Variants in GRIK3 observed in about 807,000 individuals in gnomAD.
The protein encoded by GRIK3 is glutamate ionotropic receptor kainate type subunit 3, also known as glutamate receptor ionotropic, kainate 3.
A neutral mutation model predicts 102.5 loss-of-function variants in GRIK3; 29 were observed. The observed-to-expected ratio is 0.28, with a 90% CI of 0.21 to 0.39. The LOEUF (loss-of-function observed/expected upper bound fraction) is 0.39, where lower values mean the gene tolerates loss of function less well. GRIK3 is among the 10% of genes least tolerant of loss of function. The probability of loss-of-function intolerance (pLI) is 1.00; values close to 1 mark genes in which losing one functional copy is unlikely to be tolerated. For synonymous variants in GRIK3, 511 were observed against 504.9 expected, an observed-to-expected ratio of 1.01 and a Z score of -0.16; for missense variants, 908 against 1,252.4, an observed-to-expected ratio of 0.73 and a Z score of 4.15.
intron 1 of GRIK3, among the ~76,000 whole-genome samples, chr1:37,030,157 A>T (rs927627346): frequency 7.2e-5 from 11 of 152,152 alleles, no homozygotes; most frequent in African/African-American, 2.7e-4. Flanking sequence ...CCCGCGGGCC[A>T]CTCCCAGGTC....
At chr1:36,885,688 A>G (rs932632972) in intron 2 of GRIK3, among the ~76,000 whole-genome samples, 14 of 152,286 alleles carry the variant, frequency 9.2e-5, no homozygotes, top group South Asian at 6.2e-4. Flanking sequence ...AGCTGGGAAG[A>G]ACACTGCTGC....
At chr1:36,950,176 G>A (rs1177319393) in intron 1 of GRIK3, among the ~76,000 whole-genome samples, 1 of 152,194 alleles carries the variant, frequency 6.6e-6, no homozygotes, top group Non-Finnish European at 1.5e-5. Context: ...CCCAGTCCTA[G>A]AAGTGTAGAA....
chr1:37,009,517 T>G (rs1642566837), intron 1 of GRIK3, among the ~76,000 whole-genome samples: 1 of 152,192 alleles, frequency 6.6e-6, no homozygotes, highest in African/African-American at 2.4e-5. Flanking sequence ...GGAAAAATAC[T>G]TCTTCATTTT....
chr1:36,835,608 C>G (rs898384150), intron 10 of GRIK3, among the ~76,000 whole-genome samples: 2 of 152,202 alleles, frequency 1.3e-5, no homozygotes. Context: ...TAATCCCCTG[C>G]CTCAGGTTCT....
intron 1 of GRIK3, among the ~76,000 whole-genome samples, chr1:36,956,436 A>G (rs1454494521): frequency 6.6e-6 from 1 of 152,218 alleles, no homozygotes; most frequent in Non-Finnish European, 1.5e-5. Flanking sequence ...CCCAGACGGC[A>G]GCATTCCGCA....
intron 10 of GRIK3, among the ~76,000 whole-genome samples, chr1:36,832,889 C>A (rs1168319949): frequency 6.6e-6 from 1 of 152,204 alleles, no homozygotes; most frequent in Non-Finnish European, 1.5e-5. Flanking sequence ...CCCAACGGAG[C>A]GGAAGGCAGT....
intron 11 of GRIK3, among the ~76,000 whole-genome samples, chr1:36,821,961 C>T (rs935269292): frequency 2.0e-5 from 3 of 152,228 alleles, no homozygotes; most frequent in Non-Finnish European, 4.4e-5. Flanking sequence ...TACCACTATA[C>T]TGTCCGAAAA....
intron 11 of GRIK3, among the ~76,000 whole-genome samples, chr1:36,825,298 T>C (rs981737594): frequency 6.6e-6 from 1 of 152,154 alleles, no homozygotes; most frequent in African/African-American, 2.4e-5. Flanking sequence ...GGTGCCACTT[T>C]GGGCAACCAC....
At chr1:36,913,579 C>T (rs892350514) in intron 1 of GRIK3, among the ~76,000 whole-genome samples, 18 of 152,258 alleles carry the variant, frequency 1.2e-4, no homozygotes, top group African/African-American at 4.1e-4. Context: ...CTTCCACTCT[C>T]AATTTTGTTT....
chr1:36,994,144 G>A (rs1158871535), intron 1 of GRIK3, among the ~76,000 whole-genome samples: 1 of 150,794 alleles, frequency 6.6e-6, no homozygotes, highest in Non-Finnish European at 1.5e-5. Context: ...GTCCAGCTGT[G>A]GGGTCAACAT....
intron 1 of GRIK3, among the ~76,000 whole-genome samples, chr1:36,942,925 T>A (rs1641743526): frequency 6.6e-6 from 1 of 152,102 alleles, no homozygotes; most frequent in South Asian, 2.1e-4. Context: ...TTGGGGCTCA[T>A]TGCAGACTCC....
chr1:36,991,219 A>T (rs1417583413), intron 1 of GRIK3, among the ~76,000 whole-genome samples: 1 of 152,216 alleles, frequency 6.6e-6, no homozygotes, highest in Non-Finnish European at 1.5e-5. Flanking sequence ...TGCATGAGGC[A>T]TCTAGAACGG....
chr1:36,997,841 G>A (rs1353905073), intron 1 of GRIK3, among the ~76,000 whole-genome samples: 2 of 152,160 alleles, frequency 1.3e-5, no homozygotes, highest in African/African-American at 4.8e-5. Flanking sequence ...GGAGGGTTTG[G>A]AGCTGACCAA....
intron 10 of GRIK3, among the ~76,000 whole-genome samples, chr1:36,840,819 A>C (rs1229391359): frequency 6.6e-6 from 1 of 152,240 alleles, no homozygotes; most frequent in Non-Finnish European, 1.5e-5. Flanking sequence ...GCTTGAACCC[A>C]GACCTGCTGG....
intron 1 of GRIK3, among the ~76,000 whole-genome samples, chr1:37,005,151 C>T (rs900961926): frequency 6.6e-6 from 1 of 152,248 alleles, no homozygotes; most frequent in Non-Finnish European, 1.5e-5. Context: ...ACTTTCTGGC[C>T]ATTGTATGCC....
intron 2 of GRIK3, among the ~76,000 whole-genome samples, chr1:36,886,477 G>T (rs1641038693): frequency 1.3e-5 from 2 of 152,186 alleles, no homozygotes; most frequent in South Asian, 4.1e-4. Flanking sequence ...AAAGATCATG[G>T]AACATGGGGC....
chr1:36,856,983 C>A (rs1043251986), intron 7 of GRIK3, among the ~76,000 whole-genome samples: 2 of 152,164 alleles, frequency 1.3e-5, no homozygotes, highest in Admixed American at 1.3e-4. Flanking sequence ...GCACCTGCTA[C>A]GAGCCAGGCG....
rs61125066 is a variant in GRIK3, at chr1:36,975,288, G to GTTTTTTTTT, written c.115+58697_115+58705dup. On this transcript the variant is annotated intron_variant, in intron 1 of 15. Coordinates refer to ENST00000373091, the MANE Select transcript of GRIK3 (RefSeq NM_000831.4). ...AAATCAATGAGCTTATCTAAAGTTG[G>GTTTTTTTTT]TTTTTTTTTTTTTTTTTTTTGAGAG... is the stretch of plus-strand genomic sequence containing the variant. Among the ~76,000 whole-genome samples, 257 of 113,346 alleles carry GTTTTTTTTT rather than the reference G, an allele frequency of 2.3e-3. 25 individuals carry two copies. Among genetic ancestry groups the GTTTTTTTTT allele is most frequent in the African/African-American group, 7.0e-3 (183 of 26,274 alleles). 74.4% of individuals were successfully genotyped at this position (113,346 alleles called of 152,430 possible).
At chr1:36,808,092 C>A (rs1460828514) in intron 13 of GRIK3, among the ~76,000 whole-genome samples, 1 of 152,244 alleles carries the variant, frequency 6.6e-6, no homozygotes, top group East Asian at 1.9e-4. Flanking sequence ...TCCTGTGGCC[C>A]AGGCTGTGCC....
Sources: gnomAD v4.1 joint callset for allele counts (sites outside exome capture counted in the v4.1 genomes callset) on GRCh38, gnomAD v4.1.1 for gene constraint, MANE v1.5 for transcripts, NCBI Gene and HGNC (gene_info 2026-07-23, HGNC 2026-07-21) for gene names.